Variants in EIF4E1B observed in about 807,000 individuals in gnomAD.
EIF4E1B encodes the protein eukaryotic translation initiation factor 4E family member 1B.
In EIF4E1B, 22 loss-of-function variants were observed where a neutral mutation model predicts 31.3. The observed-to-expected ratio is 0.70, with a 90% confidence interval of 0.50 to 1.00. The LOEUF (loss-of-function observed/expected upper bound fraction) is 1.00. Ranked by LOEUF, EIF4E1B falls within the 50% of genes least tolerant of loss-of-function variation. The probability of loss-of-function intolerance (pLI) is 0.00; values close to 1 mark genes in which losing one functional copy is unlikely to be tolerated. For missense variants in EIF4E1B, 290 were observed against 311.6 expected (o/e 0.93, Z 0.52); for synonymous variants, 126 against 120.2 (o/e 1.05, Z -0.31).
intron 1 of EIF4E1B, among the ~76,000 whole-genome samples, chr5:176,636,714 G>A (rs912313216): frequency 1.6e-4 from 24 of 152,256 alleles, no homozygotes; most frequent in African/African-American, 5.8e-4. Flanking sequence ...CATCTGCAAT[G>A]TGCCAAGTAC....
At chr5:176,631,959 C>T (rs1362505925) in intron 1 of EIF4E1B, among the ~76,000 whole-genome samples, 2 of 152,138 alleles carry the variant, frequency 1.3e-5, no homozygotes, top group Non-Finnish European at 2.9e-5. Flanking sequence ...GCACATCCAC[C>T]CAGTGCAATG....
intron 1 of EIF4E1B, among the ~76,000 whole-genome samples, chr5:176,635,870 A>G (rs1357891703): frequency 6.6e-6 from 1 of 152,002 alleles, no homozygotes; most frequent in African/African-American, 2.4e-5. Context: ...AGGCCTGAGT[A>G]CAATGGTGTA....
chr5:176,643,296 C>G (rs1221942337), intron 4 of EIF4E1B, 30 bp downstream of exon 4: 1 of 1,602,214 alleles, frequency 6.2e-7, no homozygotes, highest in African/African-American at 1.3e-5. Context: ...TGGAACACAG[C>G]CCCTTGCTTT....
rs1433152154 is a variant in EIF4E1B at position 176,638,768 on chromosome 5, T to G, written c.-201-3275T>G. 6.7e-6 allele frequency among the ~76,000 whole-genome samples: 1 copy of G among 149,662 alleles called. No individual in the cohort carries two copies. Among genetic ancestry groups the G allele is most frequent in the Non-Finnish European group, 1.5e-5 (1 of 67,812 alleles). On this transcript the variant is annotated intron_variant, in intron 1 of 8. Coordinates refer to ENST00000318682, the MANE Select transcript of EIF4E1B (RefSeq NM_001099408.2). This position sits in a 1 kb window ranked among gnomAD's most constrained non-coding sequence, Gnocchi z 4.3. ...TCACATCCTGGGTGTCCTGGAGGTTTGTTTGTTTGTTTGTTTGTTTGTTTA... is the reference window on the plus strand; with the variant it reads ...TCACATCCTGGGTGTCCTGGAGGTTGGTTTGTTTGTTTGTTTGTTTGTTTA...
intron 1 of EIF4E1B, among the ~76,000 whole-genome samples, chr5:176,632,794 C>A (rs1054924196): frequency 1.3e-5 from 2 of 152,128 alleles, no homozygotes; most frequent in Non-Finnish European, 2.9e-5. Flanking sequence ...TTAGAGGGGT[C>A]CCCCACCTTC....
intron 5 of EIF4E1B, 157 bp downstream of exon 5, chr5:176,643,891 C>A (rs1345867390): frequency 1.5e-5 from 10 of 686,530 alleles, no homozygotes; most frequent in Non-Finnish European, 1.5e-5. Flanking sequence ...AACCACCCCC[C>A]ACCCCACCAC....
In EIF4E1B at chr5:176,643,631, C is replaced by A; in HGVS notation, c.201-8C>A. ...TTCCTCCTGGCTGCCTCCCCCTTCC[C>A]CTACCAGGTGGGCTCTGTGGTTCTT... On this transcript the variant is annotated splice_polypyrimidine_tract_variant and splice_region_variant and intron_variant, in intron 4 of 8. Coordinates refer to ENST00000318682, the MANE Select transcript of EIF4E1B (RefSeq NM_001099408.2). 6.2e-7 allele frequency: 1 copy of A among 1,600,124 alleles called. No individual in the cohort carries two copies. Among genetic ancestry groups the A allele is most frequent in the East Asian group, 2.3e-5 (1 of 44,290 alleles).
intron 4 of EIF4E1B, 77 bp from the exon 5 acceptor site, chr5:176,643,562 T>G (rs935000522): frequency 4.3e-6 from 6 of 1,404,728 alleles, no homozygotes; most frequent in East Asian, 2.5e-5. Context: ...GGGAGGGTCC[T>G]CCCTGTCAGT....
At chr5:176,643,481 G>C (rs1441318809) in intron 4 of EIF4E1B, among the ~76,000 whole-genome samples, 158 bp from the exon 5 acceptor site, 3 of 152,206 alleles carry the variant, frequency 2.0e-5, no homozygotes, top group Non-Finnish European at 4.4e-5. Flanking sequence ...TGCCCTTCAG[G>C]ACAACTGATT....
intron 1 of EIF4E1B, among the ~76,000 whole-genome samples, chr5:176,631,706 G>A (rs950517756): frequency 4.0e-5 from 6 of 151,558 alleles, no homozygotes; most frequent in Non-Finnish European, 8.8e-5. Context: ...TTCACAGGCC[G>A]CTGGTAGAAC....
In EIF4E1B at chr5:176,645,980, A is replaced by AG. The variant is rs755209254; in HGVS notation, c.*6dup. The AG allele has an allele frequency of 1.6e-5, 25 of 1,598,570 alleles. No individual in the cohort carries two copies. Among genetic ancestry groups the AG allele is most frequent in the Non-Finnish European group, 2.0e-5 (24 of 1,172,850 alleles). On this transcript the variant is annotated 3_prime_UTR_variant, in exon 9 of 9. Transcript: ENST00000318682. The surrounding 1 kb of genome is among the most constrained non-coding windows in gnomAD (Gnocchi z 5.4). The stretch of plus-strand genomic sequence containing the variant: ...TAGCCAAGAACAAGTTTGTGGTGTG[A>AG]GGGGGGCCTTGGCACCCCTCCTATG...
chr5:176,643,045 A>G, intron 3 of EIF4E1B, 37 bp from the exon 4 acceptor site: 1 of 1,573,758 alleles, frequency 6.4e-7, no homozygotes, highest in East Asian at 2.3e-5. Flanking sequence ...CCAGGGCCAG[A>G]GCTCACAACC....
rs773788240 is a variant in EIF4E1B at position 176,645,481 on chromosome 5, G to A, written c.579G>A (p.Arg193=). The stretch of plus-strand genomic sequence containing the variant: ...GGGACAAGATCGCTGTGTGGACGAG[G>A]GAGGCGGAAAACCAGGCGGGCGTGC... The part of the protein sequence containing the change: ...TKGDKIAVWT[R]EAENQAGVLH... The change falls in exon 8 of 9, where the codon AGG becomes AGA. Residue 193 remains arginine, a synonymous_variant. Transcript: ENST00000318682. The surrounding 1 kb of genome is among the most constrained non-coding windows in gnomAD (Gnocchi z 5.4). The A allele has an allele frequency of 7.1e-5, 108 of 1,518,796 alleles. 1 individual carries two copies. Among genetic ancestry groups the A allele is most frequent in the Non-Finnish European group, 8.8e-5 (100 of 1,135,684 alleles). The allele number at this position is 1,518,796 out of a possible 1,614,324, so 94.1% of individuals were successfully genotyped here. A position where few individuals can be genotyped will look rare whatever the true frequency, so the allele number is the denominator to read the frequency against.
At chr5:176,640,889 G>A (rs546318901) in intron 1 of EIF4E1B, among the ~76,000 whole-genome samples, 16 of 152,226 alleles carry the variant, frequency 1.1e-4, no homozygotes, top group Middle Eastern at 3.4e-3. Flanking sequence ...TGCCCTCCCC[G>A]ACCCAGTTAA....
chr5:176,642,865 C>CCAG, intron 3 of EIF4E1B, 63 bp downstream of exon 3: 1 of 1,169,744 alleles, frequency 8.5e-7, no homozygotes, highest in Non-Finnish European at 1.1e-6. Flanking sequence ...CCCCCCCCCC[C>CCAG]GCCCCAGGTG....
Position 176,645,457 on chromosome 5 carries a change from G to T in EIF4E1B, c.555G>T (p.Gly185=). 1 of 1,517,642 alleles carries T rather than the reference G, an allele frequency of 6.6e-7. No homozygotes were observed. Among genetic ancestry groups the T allele is most frequent in the Non-Finnish European group, 8.8e-7 (1 of 1,133,842 alleles). The allele number at this position is 1,517,642 out of a possible 1,614,324, so 94.0% of individuals were successfully genotyped here. The change falls in exon 8 of 9, where the codon GGG becomes GGT. Residue 185 remains glycine, a synonymous_variant. Coordinates refer to ENST00000318682, the MANE Select transcript of EIF4E1B (RefSeq NM_001099408.2). The surrounding 1 kb of genome is among the most constrained non-coding windows in gnomAD (Gnocchi z 5.4). ...CCGTCGTCAACATCCGCACCAAGGG[G>T]GACAAGATCGCTGTGTGGACGAGGG... ...CGAVVNIRTK[G]DKIAVWTREA...
At chr5:176,643,573 C>A (rs572182106) in intron 4 of EIF4E1B, 66 bp from the exon 5 acceptor site, 4 of 1,483,268 alleles carry the variant, frequency 2.7e-6, no homozygotes, top group Admixed American at 2.0e-5. Context: ...CCCTGTCAGT[C>A]CAGGTGCCCC....
chr5:176,642,594 G>A (rs1760597088), intron 2 of EIF4E1B, 116 bp from the exon 3 acceptor site: 5 of 815,824 alleles, frequency 6.1e-6, no homozygotes, highest in South Asian at 1.9e-5. Context: ...CCATGTCAGT[G>A]TCTCTGCTTC....
In EIF4E1B at chr5:176,646,257, A is replaced by G; in HGVS notation, c.*277A>G. 2.5e-6 allele frequency: 1 copy of G among 395,780 alleles called. No individual in the cohort carries two copies. The highest frequency in any genetic ancestry group is 4.2e-5 in the East Asian group (1 of 23,794). The allele number at this position is 395,780 out of a possible 1,614,324, so 24.5% of individuals were successfully genotyped here. ...GTGGGGTGAGTCATGGCGGGGAAGG[A>G]GGGCTCTATGGTAGGCGGAGAAACC... On this transcript the variant is annotated 3_prime_UTR_variant, in exon 9 of 9. Transcript: ENST00000318682.
Sources: gnomAD v4.1 joint callset for allele counts (sites outside exome capture counted in the v4.1 genomes callset) on GRCh38, gnomAD v4.1.1 for gene constraint, Gnocchi (gnomAD v3.1) non-coding constraint, MANE v1.5 for transcripts, NCBI Gene and HGNC (gene_info 2026-07-23, HGNC 2026-07-21) for gene names.